The following CRMP1 variants were observed in gnomAD, a reference collection of about 807,000 sequenced individuals.
CRMP1 encodes dihydropyrimidinase-related protein 1.
A neutral mutation model predicts 68.3 loss-of-function variants in CRMP1; 19 were observed. That is an observed-to-expected ratio of 0.28 (90% CI 0.19 to 0.41). The LOEUF (loss-of-function observed/expected upper bound fraction) is 0.41. Among genes scored for constraint, CRMP1 ranks in the 10% least tolerant of loss-of-function variants. The pLI, the probability that CRMP1 is intolerant of heterozygous loss-of-function variation, is 1.00. For synonymous variants in CRMP1, 439 were observed against 399.6 expected, an observed-to-expected ratio of 1.10 and a Z score of -1.18; for missense variants, 791 against 967.4, an observed-to-expected ratio of 0.82 and a Z score of 2.42.
chr4:5,854,282 C>G lies in CRMP1; in HGVS notation c.820+1861G>C, dbSNP rs111782667. Among the ~76,000 whole-genome samples, 1 of 151,938 alleles carries G rather than the reference C, an allele frequency of 6.6e-6. No homozygotes were observed. Among genetic ancestry groups the G allele is most frequent in the African/African-American group, 2.4e-5 (1 of 41,332 alleles). ...TTTTCTTTTAAAAGATAGGGTCTCA[C>G]TCTATGAGCCAGGCTGGAGTGCAGT... On this transcript the variant is annotated intron_variant, in intron 4 of 13. Coordinates refer to ENST00000324989, the MANE Select transcript of CRMP1 (RefSeq NM_001014809.3). The surrounding 1 kb of genome is among the most constrained non-coding windows in gnomAD (Gnocchi z 4.0).
chr4:5,867,808 A>G lies in CRMP1; in HGVS notation c.382-1052T>C, dbSNP rs549561016. 5.2e-4 allele frequency among the ~76,000 whole-genome samples: 79 copies of G among 152,302 alleles called. No homozygotes were observed. The South Asian group carries it at 0.015, about 30-fold the overall frequency. ...GGCAGAGAAAGCGCAGACCCAGAAA[A>G]TAAGTCTAAAAAAGAGTCTATTTAT... On this transcript the variant is annotated intron_variant, in intron 1 of 13. Transcript: ENST00000324989.
chr4:5,861,341 A>C lies in CRMP1; in HGVS notation c.471-131T>G. 1.1e-6 allele frequency: 1 copy of C among 895,368 alleles called. No homozygotes were observed. Among genetic ancestry groups the C allele is most frequent in the Non-Finnish European group, 1.7e-6 (1 of 587,166 alleles). 55.5% of individuals were successfully genotyped at this position (895,368 alleles called of 1,614,324 possible). On this transcript the variant is annotated intron_variant, in intron 2 of 13. Transcript: ENST00000324989. This position sits in a 1 kb window ranked among gnomAD's most constrained non-coding sequence, Gnocchi z 6.0. ...TTCACAAGGCCCTGGGGAGACAGAG[A>C]TAACTCAGGCAGGGCACATGCCCTC...
intron 2 of CRMP1, among the ~76,000 whole-genome samples, chr4:5,864,333 C>A (rs1017584862): frequency 2.3e-4 from 35 of 152,204 alleles, no homozygotes; most frequent in African/African-American, 8.0e-4. Context: ...AGAGCCCCCA[C>A]ACAAAGGGGT....
chr4:5,835,821 G>A, intron 11 of CRMP1, 94 bp downstream of exon 11: 1 of 1,312,076 alleles, frequency 7.6e-7, no homozygotes, highest in East Asian at 2.8e-5. Flanking sequence ...TCACATCCTA[G>A]TTGGAAAATT....
chr4:5,843,514 G>A lies in CRMP1; in HGVS notation c.964-353C>T, dbSNP rs995857087. ...CCTCTCCTCTGGGAAGAAACGTGGT[G>A]TTTGGGTACAACATGGATATCTTCA... On this transcript the variant is annotated intron_variant, in intron 6 of 13. Coordinates refer to ENST00000324989, the MANE Select transcript of CRMP1 (RefSeq NM_001014809.3). This position sits in a 1 kb window ranked among gnomAD's most constrained non-coding sequence, Gnocchi z 4.1. Among the ~76,000 whole-genome samples the A allele has an allele frequency of 2.0e-5, 3 of 152,128 alleles. No homozygotes were observed. The highest frequency in any genetic ancestry group is 7.2e-5 in the African/African-American group (3 of 41,418).
rs577216385 is a variant in CRMP1, at chr4:5,834,645, C to G, written c.1623+1270G>C. ...CTCACTGGCAAGACCCTCTCAGACG[C>G]TCTCCCATTGCCTCTCCTATGTGCA... On this transcript the variant is annotated intron_variant, in intron 11 of 13. Coordinates refer to ENST00000324989, the MANE Select transcript of CRMP1 (RefSeq NM_001014809.3). This position sits in a 1 kb window ranked among gnomAD's most constrained non-coding sequence, Gnocchi z 4.3. 6.6e-6 allele frequency among the ~76,000 whole-genome samples: 1 copy of G among 152,204 alleles called. No individual in the cohort carries two copies. Among genetic ancestry groups the G allele is most frequent in the African/African-American group, 2.4e-5 (1 of 41,436 alleles).
rs1259383769 is a variant in CRMP1, at chr4:5,879,159, G to A, written c.382-12403C>T. Among the ~76,000 whole-genome samples, 3 of 146,822 alleles carry A rather than the reference G, an allele frequency of 2.0e-5. No individual in the cohort carries two copies. Among genetic ancestry groups the A allele is most frequent in the Admixed American group, 6.9e-5 (1 of 14,406 alleles). ...CCTAGGCTCTTCCCGGCCTGAGCCC[G>A]GCCCTCTCTCGGCCGCGCCCCACCA... is the stretch of plus-strand genomic sequence containing the variant. On this transcript the variant is annotated intron_variant, in intron 1 of 13. Transcript: ENST00000324989. This position sits in a 1 kb window ranked among gnomAD's most constrained non-coding sequence, Gnocchi z 4.2.
chr4:5,852,732 TG>T (rs1420323622), intron 4 of CRMP1, among the ~76,000 whole-genome samples: 4 of 152,104 alleles, frequency 2.6e-5, no homozygotes, highest in African/African-American at 4.8e-5. Flanking sequence ...CCATCTGGGC[TG>T]GGGTGTGGGA....
chr4:5,887,257 C>A (rs1715655295), intron 1 of CRMP1: 31 of 750,418 alleles, frequency 4.1e-5, no homozygotes, highest in Non-Finnish European at 4.9e-5. Flanking sequence ...AGGTGCCCTG[C>A]GACTGTCCAG....
chr4:5,828,762 C>T (rs1444110653), intron 11 of CRMP1, 94 bp from the exon 12 acceptor site: 3 of 1,407,098 alleles, frequency 2.1e-6, no homozygotes, highest in Middle Eastern at 1.8e-4. Flanking sequence ...ATATCATAAG[C>T]GTGTTCCAAT....
At position 5,890,724 on chromosome 4, in the gene CRMP1, AC is replaced by A. The variant is rs1715903849; in HGVS notation, c.381+1864del. On this transcript the variant is annotated intron_variant, in intron 1 of 13. Transcript: ENST00000324989. The surrounding 1 kb of genome is among the most constrained non-coding windows in gnomAD (Gnocchi z 5.5). ...GGAGAGGAACGGGAGAGGTGAAGCG[AC>A]CAGCGTCCCCAAGGGTCAGGGCGCA... Among the ~76,000 whole-genome samples, 1 of 152,040 alleles carries A rather than the reference AC, an allele frequency of 6.6e-6. No homozygotes were observed. The highest frequency in any genetic ancestry group is 2.4e-5 in the African/African-American group (1 of 41,422).
Position 5,892,140 on chromosome 4 carries a change from C to T in CRMP1, c.381+449G>A, listed in dbSNP as rs1391504458. ...GCGGAACCTCTCCCGGGGCCCGGCA[C>T]ACAGTAGGTGCTCTATAATTACTAC... On this transcript the variant is annotated intron_variant, in intron 1 of 13. Coordinates refer to ENST00000324989, the MANE Select transcript of CRMP1 (RefSeq NM_001014809.3). This position sits in a 1 kb window ranked among gnomAD's most constrained non-coding sequence, Gnocchi z 8.6. Among the ~76,000 whole-genome samples, 5 of 152,134 alleles carry T rather than the reference C, an allele frequency of 3.3e-5. No individual in the cohort carries two copies. The highest frequency in any genetic ancestry group is 7.2e-5 in the African/African-American group (3 of 41,434).
chr4:5,834,032 C>T lies in CRMP1; in HGVS notation c.1623+1883G>A, dbSNP rs1466793153. Among the ~76,000 whole-genome samples the T allele has an allele frequency of 6.6e-6, 1 of 152,170 alleles. No homozygotes were observed. The highest frequency in any genetic ancestry group is 1.9e-4 in the East Asian group (1 of 5,176). Reference sequence around the variant, plus strand: ...CTGCACTCCAGCCTGGGCAACAGAGCAAGACTCCATCTCAACAACAACAAA... The same window carrying T: ...CTGCACTCCAGCCTGGGCAACAGAGTAAGACTCCATCTCAACAACAACAAA... On this transcript the variant is annotated intron_variant, in intron 11 of 13. Coordinates refer to ENST00000324989, the MANE Select transcript of CRMP1 (RefSeq NM_001014809.3). This position sits in a 1 kb window ranked among gnomAD's most constrained non-coding sequence, Gnocchi z 4.3.
intron 11 of CRMP1, among the ~76,000 whole-genome samples, chr4:5,830,213 C>T (rs775140865): frequency 1.1e-4 from 16 of 152,156 alleles, no homozygotes; most frequent in Non-Finnish European, 2.1e-4. Flanking sequence ...TTACTGATTT[C>T]TAAAAGTACA....
Position 5,850,681 on chromosome 4 carries a change from G to A in CRMP1, c.882+727C>T, listed in dbSNP as rs1330561356. ...ATGAGCCTAAAGCACAGAGAAGTTG[G>A]GAAAGCTGCCCCTGGCTGCAGAGCA... is the stretch of plus-strand genomic sequence containing the variant. On this transcript the variant is annotated intron_variant, in intron 5 of 13. Coordinates refer to ENST00000324989, the MANE Select transcript of CRMP1 (RefSeq NM_001014809.3). This position sits in a 1 kb window ranked among gnomAD's most constrained non-coding sequence, Gnocchi z 4.4. 2.0e-5 allele frequency among the ~76,000 whole-genome samples: 3 copies of A among 152,134 alleles called. No individual in the cohort carries two copies. The highest frequency in any genetic ancestry group is 4.8e-5 in the African/African-American group (2 of 41,418).
chr4:5,880,167 C>T (rs1485789045), intron 1 of CRMP1, among the ~76,000 whole-genome samples: 1 of 152,140 alleles, frequency 6.6e-6, no homozygotes, highest in Non-Finnish European at 1.5e-5. Context: ...ATCTCCCTGT[C>T]ATTGGAGGTA....
Position 5,886,879 on chromosome 4 carries a change from G to A in CRMP1, c.381+5710C>T, listed in dbSNP as rs912962571. 3.3e-5 allele frequency among the ~76,000 whole-genome samples: 5 copies of A among 152,212 alleles called. No individual in the cohort carries two copies. The East Asian group carries it at 7.7e-4, about 23-fold the overall frequency. On this transcript the variant is annotated intron_variant, in intron 1 of 13. Coordinates refer to ENST00000324989, the MANE Select transcript of CRMP1 (RefSeq NM_001014809.3). ...ACGAATGGGCCGCTTACACCTCTGC[G>A]TCTCAGAGGGCAGAGCTGAGAGACG...
chr4:5,863,885 G>A (rs750516387), intron 2 of CRMP1, among the ~76,000 whole-genome samples: 3 of 152,126 alleles, frequency 2.0e-5, no homozygotes, highest in Non-Finnish European at 2.9e-5. Context: ...CAGGATGCAC[G>A]TTCAGAATAA....
intron 1 of CRMP1, among the ~76,000 whole-genome samples, chr4:5,869,695 A>G (rs1229199176): frequency 1.3e-5 from 2 of 151,344 alleles, no homozygotes; most frequent in Non-Finnish European, 3.0e-5. Context: ...AAAAAAAAAA[A>G]AAAAAAGAAA....
Sources: gnomAD v4.1 joint callset for allele counts (sites outside exome capture counted in the v4.1 genomes callset) on GRCh38, gnomAD v4.1.1 for gene constraint, Gnocchi (gnomAD v3.1) non-coding constraint, MANE v1.5 for transcripts, NCBI Gene and HGNC (gene_info 2026-07-23, HGNC 2026-07-21) for gene names.